ZNF83: variants seen among roughly 807,000 people sequenced by gnomAD.
ZNF83 encodes zinc finger protein 83, also known as zinc finger protein 816B.
For missense variants in ZNF83, 552 were observed against 629.9 expected (o/e 0.88, Z 1.32); for synonymous variants, 209 against 213.0 (o/e 0.98, Z 0.17).
chr19:52,619,993 G>A (rs1346226670), intron 2 of ZNF83, among the ~76,000 whole-genome samples: 1 of 152,140 alleles, frequency 6.6e-6, no homozygotes, highest in Non-Finnish European at 1.5e-5. Flanking sequence ...AGGTTGCAGT[G>A]AGCTATGATT....
At chr19:52,649,458 C>T (rs1441881750) in intron 3 of ZNF83, among the ~76,000 whole-genome samples, 1 of 152,084 alleles carries the variant, frequency 6.6e-6, no homozygotes. Flanking sequence ...AAATACCTAT[C>T]CAGCCAAAAC....
rs2061357352 is a variant in ZNF83, at chr19:52,645,247, A to C, written c.-73-10094T>G. ...GGTCACTGACATCTTTACCGGGTAC[A>C]CACTGAAACAATCAAACCTCTGCAT... On this transcript the variant is annotated intron_variant, in intron 3 of 5. Transcript: ENST00000594682. Among the ~76,000 whole-genome samples the C allele has an allele frequency of 4.6e-5, 7 of 152,354 alleles. No individual in the cohort carries two copies. The South Asian group carries it at 1.2e-3, about 27-fold the overall frequency.
Position 52,687,389 on chromosome 19 carries a change from AT to A in ZNF83, c.-283+3053del. Among the ~76,000 whole-genome samples the A allele has an allele frequency of 3.6e-3, 159 of 44,344 alleles. 61 individuals carry two copies. The African/African-American group carries it at 0.039, about 11-fold the overall frequency. The allele number at this position is 44,344 out of a possible 152,430, so 29.1% of individuals were successfully genotyped here. The stretch of plus-strand genomic sequence containing the variant: ...ATAATATAAATTATAATTTATATAT[AT>A]ATAATTTATATAGCTATATAAATTA... On this transcript the variant is annotated intron_variant, in intron 1 of 5. Transcript: ENST00000594682.
intron 1 of ZNF83, among the ~76,000 whole-genome samples, chr19:52,670,443 C>T (rs1458914619): frequency 6.6e-6 from 1 of 152,162 alleles, no homozygotes; most frequent in Non-Finnish European, 1.5e-5. Context: ...CCATTGCTCC[C>T]TCTGTGAGGG....
At chr19:52,662,937 T>C (rs1190630159) in intron 1 of ZNF83, among the ~76,000 whole-genome samples, 1 of 151,846 alleles carries the variant, frequency 6.6e-6, no homozygotes, top group African/African-American at 2.4e-5. Flanking sequence ...CTGACAGGGG[T>C]AGATCACATG....
intron 3 of ZNF83, among the ~76,000 whole-genome samples, chr19:52,648,044 G>A (rs1466757926): frequency 1.3e-5 from 2 of 151,470 alleles, no homozygotes; most frequent in African/African-American, 2.4e-5. Context: ...TCACTCTGAT[G>A]AGCCTCCCTT....
intron 1 of ZNF83, among the ~76,000 whole-genome samples, chr19:52,687,409 TAA>T (rs1325506232): frequency 3.5e-5 from 2 of 57,234 alleles, no homozygotes; most frequent in African/African-American, 1.5e-4. Context: ...TATAGCTATA[TAA>T]ATTATAATAT....
At chr19:52,626,153 T>G (rs1163913993) in intron 2 of ZNF83, among the ~76,000 whole-genome samples, 1 of 152,156 alleles carries the variant, frequency 6.6e-6, no homozygotes, top group Non-Finnish European at 1.5e-5. Flanking sequence ...ACTTATAGGG[T>G]TAGGACTTTC....
intron 1 of ZNF83, among the ~76,000 whole-genome samples, chr19:52,682,674 CAAGAAAAAGAAA>C (rs146917472): frequency 0.066 from 9,881 of 149,900 alleles, 425 homozygotes; most frequent in Non-Finnish European, 0.093. Context: ...TCTCAAAAAA[CAAGAAAAAGAAA>C]AAGAAAAAGA....
intron 2 of ZNF83, among the ~76,000 whole-genome samples, chr19:52,621,621 A>AACTT (rs145277148): frequency 0.02 from 3,105 of 151,888 alleles, 42 homozygotes; most frequent in Non-Finnish European, 0.034. Flanking sequence ...CTTTTCTCTA[A>AACTT]ACTTACGTTT....
intron 3 of ZNF83, among the ~76,000 whole-genome samples, chr19:52,643,537 T>C (rs1568559524): frequency 6.6e-6 from 1 of 151,682 alleles, no homozygotes; most frequent in Non-Finnish European, 1.5e-5. Context: ...CCATCTTTAC[T>C]AAAAATACAA....
chr19:52,618,861 C>T, intron 2 of ZNF83: 1 of 1,522,384 alleles, frequency 6.6e-7, no homozygotes, highest in Non-Finnish European at 8.9e-7. Context: ...AAGGATGCAA[C>T]TCCCAAGAGA....
intron 2 of ZNF83, among the ~76,000 whole-genome samples, chr19:52,631,598 C>T (rs1217913932): frequency 1.3e-5 from 2 of 152,232 alleles, no homozygotes; most frequent in Non-Finnish European, 2.9e-5. Flanking sequence ...CCCACAATTA[C>T]CATTGTTCCT....
At chr19:52,638,558 C>A (rs538272517), upstream of ZNF83, among the ~76,000 whole-genome samples, 1 of 152,354 alleles carries the variant, frequency 6.6e-6, no homozygotes, top group South Asian at 2.1e-4. Context: ...GGAGGCGAGA[C>A]CGGCCAGGAA....
chr19:52,635,770 A>G (rs2061124873), intron 1 of ZNF83: 1 of 151,906 alleles, frequency 6.6e-6, no homozygotes. Flanking sequence ...CAAGGTGGGC[A>G]GATTGTTTGA....
intron 1 of ZNF83, among the ~76,000 whole-genome samples, chr19:52,686,562 ATTT>A (rs1434542773): frequency 6.3e-4 from 95 of 151,334 alleles, no homozygotes; most frequent in African/African-American, 2.1e-3. Flanking sequence ...TACCCCTTTT[ATTT>A]TTTATTTTTT....
At chr19:52,665,063 C>A (rs186190195) in intron 1 of ZNF83, among the ~76,000 whole-genome samples, 7 of 152,264 alleles carry the variant, frequency 4.6e-5, no homozygotes. Flanking sequence ...CAAAGTCCTG[C>A]CTGAGCCAAA....
At chr19:52,614,476 A>T (rs918896989) in exon 3 of ZNF83, 5 of 1,612,678 alleles carry the variant, frequency 3.1e-6, no homozygotes, top group Non-Finnish European at 4.2e-6. Flanking sequence ...AGCTTGAAAT[A>T]GCTGCAGTTC....
chr19:52,630,429 G>A (rs1600188458), intron 2 of ZNF83, among the ~76,000 whole-genome samples: 2 of 152,204 alleles, frequency 1.3e-5, no homozygotes, highest in East Asian at 1.9e-4. Context: ...TTGACAGCCA[G>A]GCTTCTAAGC....
Sources: allele counts gnomAD v4.1 joint callset (sites outside exome capture counted in the v4.1 genomes callset), GRCh38; gene constraint gnomAD v4.1.1; transcripts MANE v1.5; gene names NCBI Gene and HGNC (gene_info 2026-07-23, HGNC 2026-07-21).